LMNA: variants seen among roughly 807,000 people sequenced by gnomAD.
LMNA encodes lamin A/C, also known as lamin.
In LMNA, 20 loss-of-function variants were observed where a neutral mutation model predicts 70.4. The observed-to-expected ratio is 0.28, with a 90% confidence interval of 0.20 to 0.41. The LOEUF (loss-of-function observed/expected upper bound fraction) is 0.41, where lower values mean the gene tolerates loss of function less well. Ranked by LOEUF, LMNA falls within the 10% of genes least tolerant of loss-of-function variation. The pLI is 1.00. For missense variants in LMNA, 652 were observed against 917.2 expected, an observed-to-expected ratio of 0.71 and a Z score of 3.73; for synonymous variants, 339 against 372.8, an observed-to-expected ratio of 0.91 and a Z score of 1.04.
chr1:156,135,341 G>T lies in LMNA; in HGVS notation c.936+29G>T, dbSNP rs577077365. On this transcript the variant is annotated intron_variant, in intron 5 of 11. Coordinates refer to ENST00000368300, the MANE Select transcript of LMNA (RefSeq NM_170707.4). The surrounding 1 kb of genome is among the most constrained non-coding windows in gnomAD (Gnocchi z 4.8). The stretch of plus-strand genomic sequence containing the variant: ...ATACCCCACCTCACCCCTCTCTCCA[G>T]GGGCCTAGAGTCTGGGCCGGATGCA... 1.2e-6 allele frequency: 2 copies of T among 1,608,780 alleles called. No individual in the cohort carries two copies. The highest frequency in any genetic ancestry group is 2.2e-5 in the South Asian group (2 of 90,246).
intron 2 of LMNA, among the ~76,000 whole-genome samples, chr1:156,090,014 G>A (rs943389260): frequency 1.3e-5 from 2 of 152,094 alleles, no homozygotes; most frequent in African/African-American, 4.8e-5. Flanking sequence ...AGGGGGAGGG[G>A]CACCTGGTGC....
chr1:156,087,681 A>G lies in LMNA; in HGVS notation c.-318-2790A>G, dbSNP rs1648532182. On this transcript the variant is annotated intron_variant, in intron 2 of 12. Transcript: ENST00000368301. ...TGATCCTCCCACCTCAGCCTCTCCA[A>G]TAGCTGAACCACAGGCACATGCTGC... is the stretch of plus-strand genomic sequence containing the variant. 2.6e-5 allele frequency among the ~76,000 whole-genome samples: 4 copies of G among 152,028 alleles called. No homozygotes were observed. In the South Asian group the frequency reaches 6.2e-4, roughly 24 times the overall value.
At chr1:156,111,393 G>A (rs547258802), upstream of LMNA, among the ~76,000 whole-genome samples, 3 of 151,502 alleles carry the variant, frequency 2.0e-5, no homozygotes, top group South Asian at 6.3e-4. Context: ...AGGTTGCAGT[G>A]AGCTGAGATT....
intron 2 of LMNA, among the ~76,000 whole-genome samples, chr1:156,089,044 C>A (rs1403426937): frequency 6.6e-6 from 1 of 152,206 alleles, no homozygotes; most frequent in Non-Finnish European, 1.5e-5. Context: ...GCGGCATGAT[C>A]TTGACTCACT....
intron 1 of LMNA, among the ~76,000 whole-genome samples, chr1:156,116,967 G>T (rs1572335180): frequency 6.6e-6 from 1 of 151,628 alleles, no homozygotes; most frequent in Admixed American, 6.6e-5. Context: ...AGACTGGAGT[G>T]AAGTGGTGCG....
intron 1 of LMNA, among the ~76,000 whole-genome samples, chr1:156,122,096 T>C (rs987490113): frequency 6.6e-6 from 1 of 151,904 alleles, no homozygotes; most frequent in Non-Finnish European, 1.5e-5. Flanking sequence ...CAGAGCAAGA[T>C]TCCGTCTCAA....
At chr1:156,100,394 C>T (rs754289261) in intron 3 of LMNA, among the ~76,000 whole-genome samples, 53 of 152,184 alleles carry the variant, frequency 3.5e-4, no homozygotes, top group Admixed American at 2.7e-3. Flanking sequence ...CCTGAACCAT[C>T]AGACAAGTTA....
In LMNA at chr1:156,139,820, G is replaced by T; in HGVS notation, c.*714G>T. ...GTGGAAGAAGGGAGAAGAAAGGTGA[G>T]TTTGAGCTGCCTTCCCTAGCTTTAG... On this transcript the variant is annotated 3_prime_UTR_variant, in exon 12 of 12. Transcript: ENST00000368300. 1 of 1,529,226 alleles carries T rather than the reference G, an allele frequency of 6.5e-7. No homozygotes were observed. The highest frequency in any genetic ancestry group is 1.2e-5 in the South Asian group (1 of 83,236). The allele number at this position is 1,529,226 out of a possible 1,614,324, so 94.7% of individuals were successfully genotyped here. A position where few individuals can be genotyped will look rare whatever the true frequency, so the allele number is the denominator to read the frequency against.
rs1276248654 is a variant in LMNA, at chr1:156,134,079, C to T, written c.514-324C>T. 6.6e-6 allele frequency among the ~76,000 whole-genome samples: 1 copy of T among 152,100 alleles called. No homozygotes were observed. Among genetic ancestry groups the T allele is most frequent in the Non-Finnish European group, 1.5e-5 (1 of 68,006 alleles). ...TCACCCAGGCTGGAGTGCAGTAGTGCGATCTCGGCTCACTGCAACCTCCAC... is the reference window on the plus strand; with the variant it reads ...TCACCCAGGCTGGAGTGCAGTAGTGTGATCTCGGCTCACTGCAACCTCCAC... On this transcript the variant is annotated intron_variant, in intron 2 of 11. Transcript: ENST00000368300. The surrounding 1 kb of genome is among the most constrained non-coding windows in gnomAD (Gnocchi z 5.3).
chr1:156,126,152 G>A, intron 1 of LMNA: 6 of 1,515,460 alleles, frequency 4.0e-6, no homozygotes, highest in Non-Finnish European at 4.4e-6. Context: ...GAAATGCCCA[G>A]GGGCTGGGAG....
chr1:156,097,951 G>A (rs956139190), intron 3 of LMNA, among the ~76,000 whole-genome samples: 3 of 151,870 alleles, frequency 2.0e-5, no homozygotes, highest in Non-Finnish European at 4.4e-5. Context: ...GTGTGTGCGT[G>A]CGTGTGTGTG....
In LMNA at chr1:156,135,893, C is replaced by A. The variant is rs751707982; in HGVS notation, c.937-8C>A. The A allele has an allele frequency of 1.5e-5, 24 of 1,612,738 alleles. No individual in the cohort carries two copies. The East Asian group carries it at 2.0e-4, about 13-fold the overall frequency. On this transcript the variant is annotated splice_polypyrimidine_tract_variant and splice_region_variant and intron_variant, in intron 5 of 11. Coordinates refer to ENST00000368300, the MANE Select transcript of LMNA (RefSeq NM_170707.4). This position sits in a 1 kb window ranked among gnomAD's most constrained non-coding sequence, Gnocchi z 4.8. Reference sequence around the variant, plus strand: ...GGGAGCTCACCAAACCCTCCCACCCCCCTTCAGCTGGCAGCCAAGGAGGCG... The same window carrying A: ...GGGAGCTCACCAAACCCTCCCACCCACCTTCAGCTGGCAGCCAAGGAGGCG...
intron 1 of LMNA, among the ~76,000 whole-genome samples, chr1:156,127,494 A>G (rs1167963892): frequency 6.6e-6 from 1 of 150,898 alleles, no homozygotes; most frequent in Non-Finnish European, 1.5e-5. Context: ...GGGAAAGACA[A>G]ATAACCCCCT....
Position 156,130,769 on chromosome 1 carries a change from C to A in LMNA, c.509C>A (p.Ala170Asp). The A allele has an allele frequency of 6.3e-7, 1 of 1,580,944 alleles. No individual in the cohort carries two copies. The highest frequency in any genetic ancestry group is 1.8e-5 in the Admixed American group (1 of 54,570). The change falls in exon 2 of 12, where the codon GCC becomes GAC. Residue 170 changes from alanine (A) to aspartate (D), a missense_variant. Physicochemically the swap from Ala to Asp is moderately radical, Grantham distance 126 (BLOSUM62 -2). This residue lies in a region of LMNA where 254 missense variants were observed against 421.9 expected (regional missense o/e 0.60). Transcript: ENST00000368300. ...CTGCATGATCTGCGGGGCCAGGTGG[C>A]CAAGGTGAGGCCACCCTGCAGGGCC... ...GELHDLRGQV[A>D]KLEAALGEAK...
intron 3 of LMNA, among the ~76,000 whole-genome samples, chr1:156,100,803 G>A (rs565789714): frequency 1.6e-4 from 24 of 152,270 alleles, no homozygotes; most frequent in African/African-American, 5.1e-4. Context: ...TGCTGGCAGA[G>A]CACCAGATCC....
intron 2 of LMNA, among the ~76,000 whole-genome samples, chr1:156,086,618 G>T (rs1572307567): frequency 6.6e-6 from 1 of 152,220 alleles, no homozygotes; most frequent in African/African-American, 2.4e-5. Flanking sequence ...GCTTGTCTGT[G>T]TCTGGAGTTG....
At chr1:156,099,670 T>G (rs1649067848) in intron 3 of LMNA, among the ~76,000 whole-genome samples, 1 of 151,806 alleles carries the variant, frequency 6.6e-6, no homozygotes, top group Non-Finnish European at 1.5e-5. Context: ...TCATCTGAGC[T>G]TGGGAGTTCA....
In LMNA at chr1:156,103,509, C is replaced by A. The variant is rs534147914; in HGVS notation, c.-206-11204C>A. On this transcript the variant is annotated intron_variant, in intron 3 of 12. Coordinates refer to the LMNA transcript ENST00000368301. This position sits in a 1 kb window ranked among gnomAD's most constrained non-coding sequence, Gnocchi z 4.7. ...GCTCAGCCAGGAAAATGGGTGGGAA[C>A]CTTAAGGATGGTGGGCAGATGGTGG... is the stretch of plus-strand genomic sequence containing the variant. Among the ~76,000 whole-genome samples, 3 of 152,212 alleles carry A rather than the reference C, an allele frequency of 2.0e-5. No individual in the cohort carries two copies. In the South Asian group the frequency reaches 6.2e-4, roughly 32 times the overall value.
chr1:156,083,701 G>C (rs1367860791), intron 2 of LMNA: 3 of 152,208 alleles, frequency 2.0e-5, no homozygotes, highest in African/African-American at 7.2e-5. Context: ...TACTCAGGAG[G>C]CTGAGACAGG....
Sources: allele counts gnomAD v4.1 joint callset (sites outside exome capture counted in the v4.1 genomes callset), GRCh38; gene constraint gnomAD v4.1.1; regional missense constraint gnomAD v4.1.1; non-coding constraint Gnocchi (gnomAD v3.1); transcripts MANE v1.5; gene names NCBI Gene and HGNC (gene_info 2026-07-23, HGNC 2026-07-21).